ERI3: variants seen among roughly 807,000 people sequenced by gnomAD.
ERI3 encodes ERI1 exoribonuclease family member 3, also known as ERI1 exoribonuclease 3.
Under a neutral mutation model 44.4 loss-of-function variants are expected in ERI3, and 18 were observed. The observed-to-expected ratio is 0.41, with a 90% confidence interval of 0.28 to 0.60. ERI3 has a LOEUF of 0.60. Among genes scored for constraint, ERI3 ranks in the 20% least tolerant of loss-of-function variants. The pLI is 0.36. For missense variants in ERI3, 294 were observed against 435.5 expected (o/e 0.68, Z 2.89); for synonymous variants, 183 against 164.8 (o/e 1.11, Z -0.84).
chr1:44,221,707 A>C lies in ERI3; in HGVS notation c.932-67T>G. On this transcript the variant is annotated intron_variant, in intron 8 of 8. Coordinates refer to ENST00000372257, the MANE Select transcript of ERI3 (RefSeq NM_024066.3). The surrounding 1 kb of genome is among the most constrained non-coding windows in gnomAD (Gnocchi z 5.9). ...CCCCTCCATGCCCACAGGTGCTCTTACAAGGGTGGGGGTGGGAAGCAGGGT... is the reference window on the plus strand; with the variant it reads ...CCCCTCCATGCCCACAGGTGCTCTTCCAAGGGTGGGGGTGGGAAGCAGGGT... The C allele has an allele frequency of 7.6e-6, 10 of 1,322,610 alleles. No individual in the cohort carries two copies. The highest frequency in any genetic ancestry group is 1.1e-5 in the Non-Finnish European group (10 of 918,268). 81.9% of individuals were successfully genotyped at this position (1,322,610 alleles called of 1,614,324 possible).
intron 6 of ERI3, among the ~76,000 whole-genome samples, chr1:44,285,574 T>C (rs1162308966): frequency 6.6e-6 from 1 of 152,218 alleles, no homozygotes; most frequent in Non-Finnish European, 1.5e-5. Context: ...TCTTGTTTTT[T>C]TTCTTTAAAT....
chr1:44,274,471 G>C (rs1034498390), intron 7 of ERI3, among the ~76,000 whole-genome samples: 1 of 152,168 alleles, frequency 6.6e-6, no homozygotes, highest in African/African-American at 2.4e-5. Context: ...AAATTTCAGA[G>C]TTCAGACAGC....
intron 1 of ERI3, chr1:44,353,637 A>G (rs1572364724): frequency 2.0e-6 from 2 of 985,314 alleles, no homozygotes; most frequent in Non-Finnish European, 1.2e-6. Flanking sequence ...CCCACCACAA[A>G]GAAAACACTT....
intron 6 of ERI3, among the ~76,000 whole-genome samples, chr1:44,306,252 C>G (rs945707809): frequency 1.3e-5 from 2 of 152,226 alleles, no homozygotes; most frequent in African/African-American, 4.8e-5. Flanking sequence ...CCCACAAAGT[C>G]TGCCCTACCC....
intron 6 of ERI3, among the ~76,000 whole-genome samples, chr1:44,306,214 C>T (rs571038003): frequency 6.6e-6 from 1 of 152,346 alleles, no homozygotes; most frequent in Non-Finnish European, 1.5e-5. Context: ...GAAGCTTCAT[C>T]AGCCTTCCCA....
In ERI3 at chr1:44,355,065, C is replaced by T. The variant is rs1169559321; in HGVS notation, c.-39G>A. On this transcript the variant is annotated 5_prime_UTR_variant, in exon 1 of 9. Coordinates refer to ENST00000372257, the MANE Select transcript of ERI3 (RefSeq NM_024066.3). ...CCTCGGGGCCAGCGCGGCAGGCTCC[C>T]TCCAGGTGCAGGCCCCGACGTCTCC... The T allele has an allele frequency of 1.5e-6, 2 of 1,333,236 alleles. No homozygotes were observed. The highest frequency in any genetic ancestry group is 1.9e-6 in the Non-Finnish European group (2 of 1,037,522). 82.6% of individuals were successfully genotyped at this position (1,333,236 alleles called of 1,614,324 possible). A position where few individuals can be genotyped will look rare whatever the true frequency, so the allele number is the denominator to read the frequency against.
chr1:44,323,962 G>C (rs936974857), intron 3 of ERI3, among the ~76,000 whole-genome samples: 3 of 152,236 alleles, frequency 2.0e-5, no homozygotes, highest in African/African-American at 4.8e-5. Context: ...TCTAGAAAGA[G>C]AGGCTGCTCT....
intron 6 of ERI3, among the ~76,000 whole-genome samples, chr1:44,295,492 C>G (rs1645591948): frequency 6.6e-6 from 1 of 152,182 alleles, no homozygotes; most frequent in Non-Finnish European, 1.5e-5. Context: ...GGGCCCAGAG[C>G]AGCTCTCAAC....
intron 2 of ERI3, among the ~76,000 whole-genome samples, chr1:44,342,837 ATATATATATATATATATATATTTT>A (rs1646697437): frequency 7.4e-5 from 2 of 27,178 alleles, no homozygotes; most frequent in Admixed American, 5.0e-4. Context: ...ATATATATAT[ATATATATATATATATATATATTTT>A]TTTTTTTTTT....
intron 7 of ERI3, among the ~76,000 whole-genome samples, chr1:44,250,727 CA>C (rs140369723): frequency 3.3e-5 from 5 of 152,156 alleles, no homozygotes; most frequent in African/African-American, 7.2e-5. Flanking sequence ...AGCACTTCCT[CA>C]GGGGGGGCAT....
At chr1:44,271,870 A>G (rs538345476) in intron 7 of ERI3, among the ~76,000 whole-genome samples, 2 of 152,292 alleles carry the variant, frequency 1.3e-5, no homozygotes, top group Admixed American at 1.3e-4. Flanking sequence ...AGGGTGTGAG[A>G]TGATCGACTC....
upstream of ERI3, chr1:44,355,259 C>T (rs1646979837): frequency 8.6e-7 from 1 of 1,159,096 alleles, no homozygotes; most frequent in Non-Finnish European, 1.1e-6. Flanking sequence ...CACCGACTCA[C>T]CTCCGCGCAC....
At chr1:44,272,899 TA>T (rs140380748) in intron 7 of ERI3, among the ~76,000 whole-genome samples, 3 of 150,940 alleles carry the variant, frequency 2.0e-5, no homozygotes, top group Middle Eastern at 6.8e-3. Flanking sequence ...AAATCCACGT[TA>T]AAAAAACAAA....
At chr1:44,272,107 T>C (rs556131908) in intron 7 of ERI3, among the ~76,000 whole-genome samples, 1 of 152,298 alleles carries the variant, frequency 6.6e-6, no homozygotes, top group Admixed American at 6.5e-5. Context: ...GGCAGGGGCA[T>C]AGTGCTACCA....
chr1:44,331,299 C>T (rs1480133420), intron 3 of ERI3, among the ~76,000 whole-genome samples: 1 of 151,838 alleles, frequency 6.6e-6, no homozygotes, highest in Non-Finnish European at 1.5e-5. Context: ...TCCAAATTCC[C>T]AATTTTTTTT....
At chr1:44,336,132 T>C (rs1300323238) in intron 3 of ERI3, among the ~76,000 whole-genome samples, 2 of 152,210 alleles carry the variant, frequency 1.3e-5, no homozygotes, top group East Asian at 3.9e-4. Flanking sequence ...GTCCAATTCC[T>C]GAGCTTTTCC....
rs1371174473 is a variant in ERI3, at chr1:44,339,293, C to T, written c.241G>A (p.Ala81Thr). ...VLDASGCSML[A>T]PLQTGAARFS... ...CGAGCTGCTCCAGTCTGTAAAGGTG[C>T]TAGCATTGAACATCCAGAAGCATCT... The change falls in exon 3 of 9, where the codon GCA becomes ACA. Residue 81 changes from alanine to threonine, a missense_variant. By Grantham distance (58) the Ala-to-Thr change is moderately conservative. Around this residue, in one of 2 missense-constraint regions of ERI3, gnomAD observed 187 missense variants for 338.6 expected, o/e 0.55. Coordinates refer to ENST00000372257, the MANE Select transcript of ERI3 (RefSeq NM_024066.3). 1.3e-6 allele frequency: 2 copies of T among 1,593,106 alleles called. No homozygotes were observed. Among genetic ancestry groups the T allele is most frequent in the African/African-American group, 1.4e-5 (1 of 71,590 alleles).
At chr1:44,347,344 A>C (rs1426116954) in intron 2 of ERI3, among the ~76,000 whole-genome samples, 6 of 152,204 alleles carry the variant, frequency 3.9e-5, no homozygotes, top group Non-Finnish European at 8.8e-5. Flanking sequence ...AGCACAAGGA[A>C]CTCGAAGTCT....
chr1:44,277,744 A>G (rs915564493), intron 7 of ERI3, among the ~76,000 whole-genome samples: 1 of 152,224 alleles, frequency 6.6e-6, no homozygotes, highest in Non-Finnish European at 1.5e-5. Flanking sequence ...TCTCTTCAGC[A>G]TTTAGCAAAA....
Sources: gnomAD v4.1 joint callset for allele counts (sites outside exome capture counted in the v4.1 genomes callset) on GRCh38, gnomAD v4.1.1 for gene constraint, gnomAD v4.1.1 regional missense constraint, Gnocchi (gnomAD v3.1) non-coding constraint, MANE v1.5 for transcripts, NCBI Gene and HGNC (gene_info 2026-07-23, HGNC 2026-07-21) for gene names.